CHLSN: variants seen among roughly 807,000 people sequenced by gnomAD.
The protein encoded by CHLSN is protein cholesin.
At chr7:1,013,655 G>T in the CHLSN span, among the ~76,000 whole-genome samples, 1 of 152,208 alleles carries the variant, frequency 6.6e-6, no homozygotes, top group Non-Finnish European at 1.5e-5. Flanking sequence ...TAACATGAAG[G>T]CTTTCCAACA....
the CHLSN span, among the ~76,000 whole-genome samples, chr7:1,041,370 C>T: frequency 8.2e-6 from 1 of 122,696 alleles, no homozygotes; most frequent in Non-Finnish European, 1.7e-5. Flanking sequence ...CTGGGGTCCG[C>T]GCTGCAGGGG....
At chr7:1,124,496 G>A in the CHLSN span, among the ~76,000 whole-genome samples, 1 of 140,538 alleles carries the variant, frequency 7.1e-6, no homozygotes, top group Non-Finnish European at 1.5e-5. Flanking sequence ...CGTCCATCTG[G>A]AACCCAAACT....
chr7:1,106,948 G>A, the CHLSN span, among the ~76,000 whole-genome samples: 1 of 152,206 alleles, frequency 6.6e-6, no homozygotes, highest in South Asian at 2.1e-4. Context: ...ACCACGGCCA[G>A]GAGCCCCCAA....
At chr7:1,101,179 G>A in the CHLSN span, among the ~76,000 whole-genome samples, 3 of 152,274 alleles carry the variant, frequency 2.0e-5, no homozygotes, top group Admixed American at 1.3e-4. Context: ...CCCAGGCTGC[G>A]TTGCTGGGAA....
the CHLSN span, chr7:1,092,317 C>G: frequency 6.2e-7 from 1 of 1,611,490 alleles, no homozygotes; most frequent in Non-Finnish European, 8.5e-7. Context: ...CACCGCCGTG[C>G]ACCTGCAGCA....
the CHLSN span, among the ~76,000 whole-genome samples, chr7:1,116,537 C>A: frequency 6.1e-5 from 5 of 82,114 alleles, no homozygotes; most frequent in Middle Eastern, 8.5e-3. Flanking sequence ...GTTCTAGGAC[C>A]GGCTTCCATC....
At chr7:993,720 C>T in the CHLSN span, among the ~76,000 whole-genome samples, 3 of 152,112 alleles carry the variant, frequency 2.0e-5, no homozygotes, top group Middle Eastern at 3.2e-3. Flanking sequence ...GAGGTGGCAG[C>T]GAGCAGAGCT....
At chr7:983,397 A>G in the CHLSN span, 1 of 1,488,696 alleles carries the variant, frequency 6.7e-7, no homozygotes, top group South Asian at 1.3e-5. Flanking sequence ...TAAGTCAGGG[A>G]GCCCGGGCAG....
chr7:1,096,221 C>T, the CHLSN span, among the ~76,000 whole-genome samples: 1 of 152,236 alleles, frequency 6.6e-6, no homozygotes, highest in South Asian at 2.1e-4. This position sits in a 1 kb window ranked among gnomAD's most constrained non-coding sequence, Gnocchi z 4.6. Context: ...TTGCCCAAGG[C>T]TCTGGGCAGA....
At chr7:1,012,632 G>T in the CHLSN span, among the ~76,000 whole-genome samples, 1 of 152,218 alleles carries the variant, frequency 6.6e-6, no homozygotes, top group Non-Finnish European at 1.5e-5. Context: ...GCTCAGGAGT[G>T]CCACCCACTG....
the CHLSN span, chr7:1,057,758 T>C: frequency 0.13 from 104,475 of 775,448 alleles, 8,239 homozygotes; most frequent in Middle Eastern, 0.24. Flanking sequence ...CCCTGGCCCC[T>C]GTGCACCTGC....
At chr7:996,493 G>C in the CHLSN span, among the ~76,000 whole-genome samples, 4 of 152,226 alleles carry the variant, frequency 2.6e-5, no homozygotes, top group African/African-American at 9.6e-5. Flanking sequence ...CCTGGGCTGG[G>C]CAGGAGGCGG....
At chr7:1,043,930 G>A in the CHLSN span, 9 of 152,246 alleles carry the variant, frequency 5.9e-5, no homozygotes, top group African/African-American at 1.9e-4. Context: ...GTGCTGCAGG[G>A]GGGACTGTTT....
At chr7:1,023,794 G>A in the CHLSN span, among the ~76,000 whole-genome samples, 1 of 152,210 alleles carries the variant, frequency 6.6e-6, no homozygotes, top group Non-Finnish European at 1.5e-5. This position sits in a 1 kb window ranked among gnomAD's most constrained non-coding sequence, Gnocchi z 5.0. Context: ...GGCAGGGCTG[G>A]AGCAGCGGCC....
chr7:1,001,719 T>G, the CHLSN span, among the ~76,000 whole-genome samples: 971 of 9,276 alleles, frequency 0.1, no homozygotes, highest in Admixed American at 0.12. Flanking sequence ...TCCTGTGGGT[T>G]AGTGGAGTCC....
chr7:1,012,737 GGAGT>G, the CHLSN span, among the ~76,000 whole-genome samples: 2 of 152,256 alleles, frequency 1.3e-5, no homozygotes, highest in African/African-American at 4.8e-5. Flanking sequence ...AGGGGCAGCT[GGAGT>G]GAGGGTGCTG....
the CHLSN span, among the ~76,000 whole-genome samples, chr7:996,650 G>A: frequency 9.2e-5 from 14 of 152,316 alleles, no homozygotes; most frequent in East Asian, 1.9e-4. Context: ...GGCCCTCCCC[G>A]GCAGCTGCCC....
the CHLSN span, among the ~76,000 whole-genome samples, chr7:1,010,435 C>T: frequency 1.2e-4 from 18 of 152,342 alleles, no homozygotes; most frequent in African/African-American, 3.6e-4. Context: ...TCCCGGCTCC[C>T]GAGGCTCTGT....
the CHLSN span, among the ~76,000 whole-genome samples, chr7:1,136,379 A>ACAT: frequency 1.2e-4 from 12 of 100,228 alleles, 2 homozygotes; most frequent in African/African-American, 3.3e-4. Flanking sequence ...AATATATATA[A>ACAT]ATATATAAAC....
Sources: gnomAD v4.1 joint callset for allele counts (sites outside exome capture counted in the v4.1 genomes callset) on GRCh38, gnomAD v4.1.1 for gene constraint, Gnocchi (gnomAD v3.1) non-coding constraint, MANE v1.5 for transcripts, NCBI Gene and HGNC (gene_info 2026-07-23, HGNC 2026-07-21) for gene names.